CCDC14: variants seen among roughly 807,000 people sequenced by gnomAD.
CCDC14 encodes the protein coiled-coil domain-containing protein 14.
Under a neutral mutation model 81.4 loss-of-function variants are expected in CCDC14, and 71 were observed. The ratio of observed to expected loss-of-function variants is 0.87; its 90% CI spans 0.72 to 1.06. The LOEUF is 1.06. Ranked by LOEUF, CCDC14 falls within the 50% of genes least tolerant of loss-of-function variation. CCDC14 has a pLI of 0.00. For synonymous variants in CCDC14, 332 were observed against 364.8 expected (o/e 0.91, Z 1.03); for missense variants, 1,046 against 1,047.3 (o/e 1.00, Z 0.02).
chr3:123,925,221 C>G (rs1044029012), intron 12 of CCDC14, among the ~76,000 whole-genome samples: 1 of 151,464 alleles, frequency 6.6e-6, no homozygotes, highest in South Asian at 2.1e-4. Flanking sequence ...TGAAATAAGC[C>G]AAGAACAGAA....
At chr3:123,886,553 A>G in the CCDC14 span, among the ~76,000 whole-genome samples, 1 of 151,968 alleles carries the variant, frequency 6.6e-6, no homozygotes, top group Non-Finnish European at 1.5e-5. Flanking sequence ...ACGTGCCACC[A>G]CACCCAGCTA....
chr3:123,919,616 T>C (rs4678069), intron 12 of CCDC14, among the ~76,000 whole-genome samples: 16,771 of 152,172 alleles, frequency 0.11, 2,076 homozygotes, highest in East Asian at 0.42. Context: ...TTTCACAAGA[T>C]CATGGAGTAC....
downstream of CCDC14, among the ~76,000 whole-genome samples, chr3:123,911,114 T>C (rs1304882151): frequency 2.6e-5 from 4 of 152,192 alleles, no homozygotes; most frequent in Non-Finnish European, 5.9e-5. Context: ...AGGTATCCAG[T>C]AGTATCACTG....
At chr3:123,923,882 C>T (rs757593461) in intron 12 of CCDC14, among the ~76,000 whole-genome samples, 1 of 150,252 alleles carries the variant, frequency 6.7e-6, no homozygotes, top group Non-Finnish European at 1.5e-5. Flanking sequence ...AAATGACCTA[C>T]AAATTCAACA....
chr3:123,907,300 T>C (rs550446530), intron 5 of CCDC14, among the ~76,000 whole-genome samples: 16 of 152,314 alleles, frequency 1.1e-4, no homozygotes, highest in African/African-American at 3.8e-4. Flanking sequence ...ATGCATTAAT[T>C]TGTTTGGTGT....
chr3:123,955,226 T>C (rs1191692274), intron 5 of CCDC14: 1 of 152,168 alleles, frequency 6.6e-6, no homozygotes, highest in Non-Finnish European at 1.5e-5. Context: ...ATTCCCACTG[T>C]GGACTTTTTC....
chr3:123,910,950 G>A (rs185635247), downstream of CCDC14, among the ~76,000 whole-genome samples: 1 of 152,270 alleles, frequency 6.6e-6, no homozygotes, highest in African/African-American at 2.4e-5. Flanking sequence ...AGACAGATAC[G>A]TAAACTGATA....
At chr3:123,955,748 T>C in intron 5 of CCDC14, 95 bp downstream of exon 5, 1 of 1,160,446 alleles carries the variant, frequency 8.6e-7, no homozygotes. Context: ...TAATACTGAT[T>C]ATTAAAATGA....
downstream of CCDC14, among the ~76,000 whole-genome samples, chr3:123,896,076 G>A (rs1175431692): frequency 1.3e-5 from 2 of 152,212 alleles, no homozygotes; most frequent in Non-Finnish European, 2.9e-5. Context: ...TTGAATATCT[G>A]TCCTCTCCAA....
Position 123,915,403 on chromosome 3 carries a change from T to C in CCDC14, c.2094A>G (p.Ala698=). 6.2e-7 allele frequency: 1 copy of C among 1,613,820 alleles called. No homozygotes were observed. Among genetic ancestry groups the C allele is most frequent in the Non-Finnish European group, 8.5e-7 (1 of 1,179,826 alleles). ...TTGAAAGGGCAGAAATAATTCCAGG[T>C]GCAGATGCTTCCTCCATGCCCCTAG... is the stretch of plus-strand genomic sequence containing the variant. ...SNTRGMEEAS[A]PGIISALSKQ... The change falls in exon 13 of 13, where the codon GCA becomes GCG. Residue 698 remains alanine (A), a synonymous_variant. Coordinates refer to ENST00000409697, the MANE Select transcript of CCDC14 (RefSeq NM_001366335.1).
chr3:123,947,205 G>T lies in CCDC14; in HGVS notation c.799C>A (p.Leu267Met). Residue 267 changes from leucine (L) to methionine (M), a missense_variant, in exon 8 of 13, where the codon CTG becomes ATG. Physicochemically the swap from Leu to Met is conservative, Grantham distance 15. Transcript: ENST00000409697. ...ATAGCTGATATGTCAGTTTTGGGCAGGCTACATGGAACTCCAGGACTGGTA... is the reference window on the plus strand; with the variant it reads ...ATAGCTGATATGTCAGTTTTGGGCATGCTACATGGAACTCCAGGACTGGTA... Reference protein sequence around the residue: ...FNTSPGVPCSLPKTDISAIPT... With the variant: ...FNTSPGVPCSMPKTDISAIPT... 6.2e-7 allele frequency: 1 copy of T among 1,613,962 alleles called. No individual in the cohort carries two copies.
Position 123,934,285 on chromosome 3 carries a change from A to AAAC in CCDC14, c.1344-531_1344-530insGTT, listed in dbSNP as rs1432269094. On this transcript the variant is annotated intron_variant, in intron 9 of 12. Coordinates refer to ENST00000409697, the MANE Select transcript of CCDC14 (RefSeq NM_001366335.1). ...GACTCTGCCTCAAAAAAAAAAAAAA[A>AAAC]AAAAAAAAAACCCTCATGAGGAAAG... Among the ~76,000 whole-genome samples the AAAC allele has an allele frequency of 5.2e-4, 79 of 150,780 alleles. 2 individuals carry two copies. The highest frequency in any genetic ancestry group is 7.1e-4 in the Non-Finnish European group (48 of 67,626).
chr3:123,899,692 G>T (rs2034141586), intron 5 of CCDC14, among the ~76,000 whole-genome samples: 1 of 152,136 alleles, frequency 6.6e-6, no homozygotes, highest in Non-Finnish European at 1.5e-5. Flanking sequence ...TGGGCTTCCT[G>T]TCATCAGTCT....
intron 7 of CCDC14, among the ~76,000 whole-genome samples, chr3:123,948,116 G>C (rs1396763294): frequency 1.3e-5 from 2 of 152,070 alleles, no homozygotes; most frequent in Non-Finnish European, 2.9e-5. Flanking sequence ...AACTCTATCA[G>C]TGTGTCAACA....
At chr3:123,903,105 A>G (rs762135961) in intron 5 of CCDC14, among the ~76,000 whole-genome samples, 37 of 152,182 alleles carry the variant, frequency 2.4e-4, no homozygotes, top group Admixed American at 6.5e-4. Context: ...AAATACATTT[A>G]TACTTATATT....
chr3:123,949,667 T>C (rs916903023), intron 5 of CCDC14: 1 of 153,238 alleles, frequency 6.5e-6, no homozygotes, highest in Non-Finnish European at 1.5e-5. Context: ...CCAACTCCAA[T>C]TTTTCATTTC....
At chr3:123,944,385 C>A (rs2036519069) in intron 9 of CCDC14, among the ~76,000 whole-genome samples, 1 of 152,120 alleles carries the variant, frequency 6.6e-6, no homozygotes, top group South Asian at 2.1e-4. Context: ...ATTACCACAT[C>A]CACATTCTCT....
intron 5 of CCDC14, among the ~76,000 whole-genome samples, chr3:123,898,996 A>G (rs2034127765): frequency 6.6e-6 from 1 of 151,572 alleles, no homozygotes; most frequent in South Asian, 2.1e-4. Flanking sequence ...CTGGGATTAC[A>G]GGCCTGATCC....
intron 12 of CCDC14, among the ~76,000 whole-genome samples, chr3:123,923,955 A>C (rs2035203784): frequency 7.3e-6 from 1 of 136,578 alleles, no homozygotes; most frequent in Admixed American, 7.6e-5. Context: ...CCTAAAATTC[A>C]TACAGAATCA....
Sources: gnomAD v4.1 joint callset for allele counts (sites outside exome capture counted in the v4.1 genomes callset) on GRCh38, gnomAD v4.1.1 for gene constraint, MANE v1.5 for transcripts, NCBI Gene and HGNC (gene_info 2026-07-23, HGNC 2026-07-21) for gene names.